The following ERBB4 variants were observed in gnomAD, a reference collection of about 807,000 sequenced individuals.
ERBB4 encodes erb-b2 receptor tyrosine kinase 4.
A neutral mutation model predicts 158.0 loss-of-function variants in ERBB4; 42 were observed. The observed-to-expected ratio is 0.27, with a 90% CI of 0.21 to 0.34. ERBB4 has a LOEUF of 0.34. Ranked by LOEUF, ERBB4 falls within the 10% of genes least tolerant of loss-of-function variation. The probability of loss-of-function intolerance (pLI) is 1.00; values close to 1 mark genes in which losing one functional copy is unlikely to be tolerated. For synonymous variants in ERBB4, 583 were observed against 558.7 expected, an observed-to-expected ratio of 1.04 and a Z score of -0.61; for missense variants, 1,333 against 1,624.1, an observed-to-expected ratio of 0.82 and a Z score of 3.08.
At chr2:212,192,841 G>A (rs1171764127) in intron 1 of ERBB4, among the ~76,000 whole-genome samples, 2 of 148,220 alleles carry the variant, frequency 1.3e-5, no homozygotes, top group African/African-American at 2.6e-5. Flanking sequence ...ACTGAGGACC[G>A]ATCAATAGTG....
intron 2 of ERBB4, among the ~76,000 whole-genome samples, chr2:211,989,724 T>G (rs1398745668): frequency 6.6e-6 from 1 of 151,954 alleles, no homozygotes; most frequent in Non-Finnish European, 1.5e-5. Context: ...TCTAATCATA[T>G]TCCATTCAAT....
chr2:212,337,986 C>A (rs2088525487), intron 1 of ERBB4, among the ~76,000 whole-genome samples: 1 of 152,038 alleles, frequency 6.6e-6, no homozygotes, highest in Non-Finnish European at 1.5e-5. Context: ...TATTGAATGC[C>A]ATTAGTAACT....
chr2:212,336,829 T>G (rs552033197), intron 1 of ERBB4, among the ~76,000 whole-genome samples: 1 of 9,552 alleles, frequency 1.0e-4, no homozygotes, highest in South Asian at 4.2e-3. Context: ...CTTCTACTTG[T>G]AAAGCAATGT....
chr2:211,675,370 T>C (rs577921447), intron 13 of ERBB4, among the ~76,000 whole-genome samples: 1 of 152,242 alleles, frequency 6.6e-6, no homozygotes, highest in East Asian at 1.9e-4. Context: ...CCTTAAATAC[T>C]TCAACTTCCT....
intron 2 of ERBB4, among the ~76,000 whole-genome samples, chr2:212,003,218 AAGGAAGGAAGGAAG>A (rs2076176259): frequency 1.6e-5 from 1 of 61,816 alleles, no homozygotes; most frequent in Non-Finnish European, 5.0e-5. Context: ...AGAAAGAAGG[AAGGAAGGAAGGAAG>A]GAAGGAAGGA....
intron 1 of ERBB4, among the ~76,000 whole-genome samples, chr2:212,223,302 A>G (rs893571653): frequency 6.8e-6 from 1 of 147,762 alleles, no homozygotes; most frequent in African/African-American, 2.5e-5. Flanking sequence ...CCTTGCATGA[A>G]CCTTTATTTT....
rs1342538573 is a variant in ERBB4, at chr2:212,378,865, G to GATACTA, written c.82+159578_82+159583dup. On this transcript the variant is annotated intron_variant, in intron 1 of 27. Transcript: ENST00000342788. ...GCATTGCCATTTATGCTAAATTTCT[G>GATACTA]ATACTAATAAACTATTTAAAACTGA... Among the ~76,000 whole-genome samples the GATACTA allele has an allele frequency of 7.2e-5, 11 of 151,856 alleles. No homozygotes were observed. In the East Asian group the frequency reaches 2.1e-3, roughly 29 times the overall value.
chr2:211,533,441 A>G (rs28376619), intron 20 of ERBB4, among the ~76,000 whole-genome samples: 1 of 152,026 alleles, frequency 6.6e-6, no homozygotes, highest in Non-Finnish European at 1.5e-5. Flanking sequence ...AAAGAAATGG[A>G]TATTCATAAT....
At chr2:211,482,819 C>T (rs1278507640) in intron 20 of ERBB4, among the ~76,000 whole-genome samples, 13 of 152,064 alleles carry the variant, frequency 8.5e-5, no homozygotes, top group Non-Finnish European at 1.5e-4. Context: ...GCAGGAGAAT[C>T]GCTTGAACCT....
chr2:212,316,447 C>CGGAA (rs1265229691), intron 1 of ERBB4, among the ~76,000 whole-genome samples: 9 of 151,450 alleles, frequency 5.9e-5, no homozygotes, highest in Non-Finnish European at 1.3e-4. Flanking sequence ...TCTGAAGTTC[C>CGGAA]CCCTTTTTTC....
chr2:212,248,725 A>G (rs2084403794), intron 1 of ERBB4, among the ~76,000 whole-genome samples: 1 of 152,182 alleles, frequency 6.6e-6, no homozygotes, highest in Non-Finnish European at 1.5e-5. Flanking sequence ...TAGCTAGATT[A>G]GTACTAAACG....
chr2:211,483,940 G>A (rs901000576), intron 20 of ERBB4, among the ~76,000 whole-genome samples: 1 of 152,142 alleles, frequency 6.6e-6, no homozygotes, highest in African/African-American at 2.4e-5. Context: ...AAAATAATCT[G>A]TCTATCTGAA....
At chr2:212,345,433 C>T (rs2088950104) in intron 1 of ERBB4, among the ~76,000 whole-genome samples, 1 of 151,970 alleles carries the variant, frequency 6.6e-6, no homozygotes. Flanking sequence ...TGGAGACATA[C>T]TTGGCTGTCA....
intron 9 of ERBB4, among the ~76,000 whole-genome samples, chr2:211,706,440 G>T (rs1161697494): frequency 1.3e-5 from 2 of 152,036 alleles, no homozygotes; most frequent in Non-Finnish European, 2.9e-5. Context: ...CTGGGGATTT[G>T]TGTCTGAATC....
At chr2:212,304,982 G>C (rs1331960712) in intron 1 of ERBB4, among the ~76,000 whole-genome samples, 2 of 151,162 alleles carry the variant, frequency 1.3e-5, no homozygotes, top group African/African-American at 4.8e-5. Context: ...CCAATAACAA[G>C]AGAGAAATAT....
At chr2:212,314,001 C>A (rs570229495) in intron 1 of ERBB4, among the ~76,000 whole-genome samples, 11 of 151,112 alleles carry the variant, frequency 7.3e-5, no homozygotes, top group Middle Eastern at 3.4e-3. Context: ...CTTCCAGATA[C>A]TAGCCAAACA....
intron 20 of ERBB4, among the ~76,000 whole-genome samples, chr2:211,493,377 C>T (rs923822039): frequency 6.6e-6 from 1 of 152,064 alleles, no homozygotes; most frequent in African/African-American, 2.4e-5. Flanking sequence ...TACCCTATTT[C>T]CTTTCTTAAC....
chr2:212,358,088 A>T (rs1326598273), intron 1 of ERBB4, among the ~76,000 whole-genome samples: 1 of 151,884 alleles, frequency 6.6e-6, no homozygotes, highest in East Asian at 1.9e-4. Context: ...TGACAGGGAA[A>T]ATATTCAAAC....
chr2:212,099,144 A>AAAACAAATAAAT (rs2079010712), intron 2 of ERBB4, among the ~76,000 whole-genome samples: 3 of 142,972 alleles, frequency 2.1e-5, no homozygotes, highest in Non-Finnish European at 3.0e-5. Flanking sequence ...GCCCCTCTCT[A>AAAACAAATAAAT]AAATAAATAA....
Sources: allele counts gnomAD v4.1 joint callset (sites outside exome capture counted in the v4.1 genomes callset), GRCh38; gene constraint gnomAD v4.1.1; transcripts MANE v1.5; gene names NCBI Gene and HGNC (gene_info 2026-07-23, HGNC 2026-07-21).